The following GOLGB1 variants were observed in gnomAD, a reference collection of about 807,000 sequenced individuals.
GOLGB1 encodes the protein golgin B1.
In GOLGB1, 174 loss-of-function variants were observed where a neutral mutation model predicts 336.9. The ratio of observed to expected loss-of-function variants is 0.52; its 90% confidence interval spans 0.46 to 0.59. The LOEUF is 0.59. GOLGB1 is among the 20% of genes least tolerant of loss of function. The pLI, the probability that GOLGB1 is intolerant of heterozygous loss-of-function variation, is 0.00. For synonymous variants in GOLGB1, 1,208 were observed against 1,289.2 expected, an observed-to-expected ratio of 0.94 and a Z score of 1.35; for missense variants, 3,331 against 3,645.3, an observed-to-expected ratio of 0.91 and a Z score of 2.22.
intron 10 of GOLGB1, among the ~76,000 whole-genome samples, chr3:121,708,928 A>T (rs532278574): frequency 1.3e-5 from 2 of 152,292 alleles, no homozygotes; most frequent in Non-Finnish European, 2.9e-5. Flanking sequence ...AAGAGAAGAA[A>T]TAAAAAAGTA....
rs777121561 is a variant in GOLGB1, at chr3:121,694,603, C to T, written c.5920G>A (p.Glu1974Lys). ...TTGACTAACTGCTGCTTTTCTTCTT[C>T]CAATTCACTCACACACTTTTTAAGG... ...KNLKKCVSELEEEKQQLVKEK... is the reference protein window; with the variant it reads ...KNLKKCVSELKEEKQQLVKEK... The change falls in exon 13 of 22, where the codon GAA becomes AAA. Residue 1974 changes from glutamate to lysine, a missense_variant. Transcript: ENST00000614479. The T allele has an allele frequency of 6.2e-7, 1 of 1,612,272 alleles. No individual in the cohort carries two copies. Among genetic ancestry groups the T allele is most frequent in the Non-Finnish European group, 8.5e-7 (1 of 1,179,992 alleles).
At chr3:121,685,125 A>G (rs1198607908) in intron 14 of GOLGB1, among the ~76,000 whole-genome samples, 1 of 152,246 alleles carries the variant, frequency 6.6e-6, no homozygotes, top group African/African-American at 2.4e-5. Flanking sequence ...AAATAAAAGT[A>G]ACATGTCTCT....
chr3:121,744,441 CAAAAAAAAA>C (rs11290154), intron 1 of GOLGB1, among the ~76,000 whole-genome samples: 5 of 73,076 alleles, frequency 6.8e-5, no homozygotes, highest in South Asian at 4.5e-4. Flanking sequence ...ACTGTCTCTA[CAAAAAAAAA>C]AAAAAAAAAA....
At chr3:121,686,738 A>C (rs1471186149) in intron 14 of GOLGB1, among the ~76,000 whole-genome samples, 2 of 152,224 alleles carry the variant, frequency 1.3e-5, no homozygotes, top group African/African-American at 2.4e-5. Flanking sequence ...ACAAAGGCAA[A>C]AGACAATCAG....
At position 121,697,479 on chromosome 3, in the gene GOLGB1, C is replaced by T; in HGVS notation, c.3044G>A (p.Ser1015Asn). The T allele has an allele frequency of 1.9e-6, 3 of 1,611,662 alleles. No individual in the cohort carries two copies. Among genetic ancestry groups the T allele is most frequent in the Non-Finnish European group, 1.7e-6 (2 of 1,179,534 alleles). Reference protein sequence around the residue: ...INRKELLQRVSRLEEELANLK... With the variant: ...INRKELLQRVNRLEEELANLK... Reference sequence around the variant, plus strand: ...GTTGGCTAATTCTTCTTCCAATCTACTGACTCTTTGCAGAAGCTCCTTTCT... The same window carrying T: ...GTTGGCTAATTCTTCTTCCAATCTATTGACTCTTTGCAGAAGCTCCTTTCT... Residue 1015 changes from serine to asparagine, a missense_variant, in exon 13 of 22, where the codon AGT becomes AAT. Coordinates refer to ENST00000614479, the MANE Select transcript of GOLGB1 (RefSeq NM_001366282.2).
chr3:121,729,734 G>C (rs1306516195), intron 3 of GOLGB1, 131 bp downstream of exon 3: 1 of 669,344 alleles, frequency 1.5e-6, no homozygotes, highest in Admixed American at 2.9e-5. Context: ...ATTTTCAGTA[G>C]GCATAAGGTT....
intron 6 of GOLGB1, among the ~76,000 whole-genome samples, chr3:121,720,030 A>C (rs1419375043): frequency 2.6e-5 from 4 of 152,226 alleles, no homozygotes; most frequent in Non-Finnish European, 4.4e-5. Flanking sequence ...TGGTTACTAG[A>C]AATGTTTTAA....
rs375260356 is a variant in GOLGB1, at chr3:121,679,040, G to A, written c.8874-1590C>T. On this transcript the variant is annotated intron_variant, in intron 15 of 21. Coordinates refer to ENST00000614479, the MANE Select transcript of GOLGB1 (RefSeq NM_001366282.2). ...CTCCTATCTTAATTTCTTCTGCCAT[G>A]ATAGCATTATTATTGTTCTGTTCCT... Among the ~76,000 whole-genome samples the A allele has an allele frequency of 3.9e-5, 6 of 152,188 alleles. No homozygotes were observed. The South Asian group carries it at 1.2e-3, about 32-fold the overall frequency.
chr3:121,708,217 A>T (rs914562528), intron 10 of GOLGB1, among the ~76,000 whole-genome samples: 1 of 152,242 alleles, frequency 6.6e-6, no homozygotes, highest in South Asian at 2.1e-4. Flanking sequence ...AATGACAGAA[A>T]GCAGATCAGT....
chr3:121,708,964 G>C (rs1944116422), intron 10 of GOLGB1, among the ~76,000 whole-genome samples: 3 of 151,954 alleles, frequency 2.0e-5, no homozygotes, highest in Non-Finnish European at 2.9e-5. Flanking sequence ...TTGCCTTCAA[G>C]ACATTTACTT....
intron 14 of GOLGB1, among the ~76,000 whole-genome samples, chr3:121,682,447 C>A (rs1367099230): frequency 6.6e-6 from 1 of 152,070 alleles, no homozygotes; most frequent in African/African-American, 2.4e-5. Context: ...GTTGCCCAGG[C>A]TAATTTTCCT....
intron 1 of GOLGB1, among the ~76,000 whole-genome samples, chr3:121,732,380 C>T (rs958768974): frequency 2.0e-5 from 3 of 152,154 alleles, no homozygotes; most frequent in African/African-American, 7.2e-5. Flanking sequence ...ACCAGACTAG[C>T]ATTGCCCTAA....
chr3:121,730,829 C>A (rs756043179), intron 2 of GOLGB1, 47 bp downstream of exon 2: 1 of 1,562,400 alleles, frequency 6.4e-7, no homozygotes, highest in Admixed American at 2.0e-5. Flanking sequence ...CTTAGAAGAA[C>A]ACAGAACATA....
At chr3:121,713,899 G>C (rs1176681615) in intron 10 of GOLGB1, among the ~76,000 whole-genome samples, 1 of 152,200 alleles carries the variant, frequency 6.6e-6, no homozygotes, top group East Asian at 1.9e-4. Flanking sequence ...ATAAATTTAA[G>C]ATGAACTGAT....
In GOLGB1 at chr3:121,663,805, A is replaced by T. The variant is rs1296946070; in HGVS notation, c.*675T>A. On this transcript the variant is annotated 3_prime_UTR_variant, in exon 22 of 22. Transcript: ENST00000614479. The stretch of plus-strand genomic sequence containing the variant: ...CACTTAATACCTTAGTATACATGTG[A>T]TCAAGGGCAAAAGCAAAGGGATTCT... The T allele has an allele frequency of 6.5e-6, 1 of 152,734 alleles. No homozygotes were observed. Among genetic ancestry groups the T allele is most frequent in the African/African-American group, 2.4e-5 (1 of 41,452 alleles). 9.5% of individuals were successfully genotyped at this position (152,734 alleles called of 1,614,324 possible).
intron 1 of GOLGB1, among the ~76,000 whole-genome samples, chr3:121,734,030 T>C (rs1946305758): frequency 6.6e-6 from 1 of 152,158 alleles, no homozygotes; most frequent in Non-Finnish European, 1.5e-5. Flanking sequence ...ATAAAAAATA[T>C]TGATTAAAAA....
intron 10 of GOLGB1, among the ~76,000 whole-genome samples, chr3:121,709,205 C>T (rs1052746610): frequency 9.2e-5 from 14 of 152,222 alleles, no homozygotes; most frequent in African/African-American, 3.4e-4. Flanking sequence ...AAAATGACTA[C>T]ATTAAAAGGA....
intron 18 of GOLGB1, 84 bp from the exon 19 acceptor site, chr3:121,668,242 G>A: frequency 1.4e-6 from 1 of 715,984 alleles, no homozygotes; most frequent in South Asian, 1.8e-5. Flanking sequence ...CGTTTACAGA[G>A]GACTATCCCC....
Position 121,664,335 on chromosome 3 carries a change from C to A in GOLGB1, c.*145G>T. The A allele has an allele frequency of 1.4e-6, 1 of 740,286 alleles. No individual in the cohort carries two copies. The highest frequency in any genetic ancestry group is 2.3e-6 in the Non-Finnish European group (1 of 425,896). 45.9% of individuals were successfully genotyped at this position (740,286 alleles called of 1,614,324 possible). A position where few individuals can be genotyped will look rare whatever the true frequency, so the allele number is the denominator to read the frequency against. On this transcript the variant is annotated 3_prime_UTR_variant, in exon 22 of 22. Transcript: ENST00000614479. ...AGCTCCAACCTGTCCTCGTATCCAC[C>A]TCTGTTTTTGCAGGCACTTTCCGTG... is the stretch of plus-strand genomic sequence containing the variant.
Sources: gnomAD v4.1 joint callset for allele counts (sites outside exome capture counted in the v4.1 genomes callset) on GRCh38, gnomAD v4.1.1 for gene constraint, MANE v1.5 for transcripts, NCBI Gene and HGNC (gene_info 2026-07-23, HGNC 2026-07-21) for gene names.